ANO2: variants seen among roughly 807,000 people sequenced by gnomAD.
ANO2 encodes the protein anoctamin 2.
A neutral mutation model predicts 124.2 loss-of-function variants in ANO2; 101 were observed. The observed-to-expected ratio is 0.81, with a 90% CI of 0.69 to 0.96. The LOEUF (loss-of-function observed/expected upper bound fraction) is 0.96. ANO2 is among the 40% of genes least tolerant of loss of function. The pLI is 0.00. For missense variants in ANO2, 1,293 were observed against 1,274.5 expected (o/e 1.01, Z -0.22); for synonymous variants, 486 against 482.5 (o/e 1.01, Z -0.09).
Position 5,597,213 on chromosome 12 carries a change from A to G in ANO2, c.2233+2271T>C, listed in dbSNP as rs144651915. 5.3e-3 allele frequency among the ~76,000 whole-genome samples: 801 copies of G among 152,092 alleles called. 6 individuals are homozygous for G. The highest frequency in any genetic ancestry group is 0.019 in the African/African-American group (772 of 41,472). ...TCATCACCCAGGTATTAAGCCTAGTACCCATTAGTTCTTTTTCCTGATCCT... is the reference window on the plus strand; with the variant it reads ...TCATCACCCAGGTATTAAGCCTAGTGCCCATTAGTTCTTTTTCCTGATCCT... On this transcript the variant is annotated intron_variant, in intron 20 of 24. Transcript: ENST00000682330.
At chr12:5,824,297 C>A (rs147370055) in intron 7 of ANO2, among the ~76,000 whole-genome samples, 2,237 of 152,306 alleles carry the variant, frequency 0.015, 28 homozygotes, top group Middle Eastern at 0.061. Flanking sequence ...TTATGTTCTG[C>A]TTCCCTTATA....
intron 10 of ANO2, among the ~76,000 whole-genome samples, chr12:5,770,288 T>C (rs1451174114): frequency 1.3e-5 from 2 of 152,216 alleles, no homozygotes; most frequent in African/African-American, 4.8e-5. Flanking sequence ...AAGTGAATCA[T>C]ATTCTTCCAG....
At chr12:5,689,597 C>T (rs754738977) in intron 14 of ANO2, among the ~76,000 whole-genome samples, 9 of 152,132 alleles carry the variant, frequency 5.9e-5, no homozygotes, top group Non-Finnish European at 7.4e-5. Flanking sequence ...ACCGCTGTGA[C>T]GGGTTCTATC....
intron 20 of ANO2, among the ~76,000 whole-genome samples, chr12:5,587,121 TTTCA>T (rs1486834704): frequency 3.3e-5 from 5 of 152,182 alleles, no homozygotes; most frequent in African/African-American, 1.2e-4. Context: ...GGATCACTTC[TTTCA>T]TTCTTCCTTC....
At chr12:5,926,443 T>C (rs7138404) in intron 1 of ANO2, among the ~76,000 whole-genome samples, 150,779 of 152,224 alleles carry the variant, frequency 0.99, 74,689 homozygotes, top group Middle Eastern at 1. Flanking sequence ...GGGCTGGGAC[T>C]CTGCATTCTG....
At chr12:5,687,911 G>C in intron 14 of ANO2, among the ~76,000 whole-genome samples, 1 of 152,100 alleles carries the variant, frequency 6.6e-6, no homozygotes, top group East Asian at 1.9e-4. Flanking sequence ...GTCCCACACT[G>C]GTTCCCTCTC....
intron 4 of ANO2, among the ~76,000 whole-genome samples, chr12:5,842,792 C>T (rs982530528): frequency 6.6e-6 from 1 of 152,200 alleles, no homozygotes; most frequent in Non-Finnish European, 1.5e-5. Context: ...CTGGGGTCTT[C>T]CCAGGCTCAT....
chr12:5,689,064 G>A (rs1319251370), intron 14 of ANO2, among the ~76,000 whole-genome samples: 2 of 152,070 alleles, frequency 1.3e-5, no homozygotes, highest in African/African-American at 4.8e-5. Flanking sequence ...GGTAACTAGT[G>A]ATCACTAGAG....
intron 3 of ANO2, among the ~76,000 whole-genome samples, chr12:5,875,145 T>C (rs1233821997): frequency 6.6e-6 from 1 of 152,226 alleles, no homozygotes; most frequent in African/African-American, 2.4e-5. Context: ...CTGTGTCTTT[T>C]ACCTGTTGAA....
intron 10 of ANO2, among the ~76,000 whole-genome samples, chr12:5,767,721 C>T (rs529841760): frequency 3.3e-5 from 5 of 152,140 alleles, no homozygotes; most frequent in African/African-American, 4.8e-5. Context: ...GCTACTTGTC[C>T]GCATGGGCCC....
chr12:5,610,542 TTA>T (rs1210686157), intron 19 of ANO2, among the ~76,000 whole-genome samples: 11 of 141,312 alleles, frequency 7.8e-5, no homozygotes, highest in Admixed American at 3.7e-4. Flanking sequence ...AAAACATATT[TTA>T]TGTTTTATAA....
intron 3 of ANO2, among the ~76,000 whole-genome samples, chr12:5,863,917 G>A (rs536696758): frequency 2.6e-5 from 4 of 152,104 alleles, no homozygotes; most frequent in Non-Finnish European, 4.4e-5. Flanking sequence ...AGTGAATAAT[G>A]ATTTCATGGT....
intron 14 of ANO2, among the ~76,000 whole-genome samples, chr12:5,648,469 T>G (rs932565017): frequency 6.6e-6 from 1 of 152,166 alleles, no homozygotes. Context: ...CCTTTTCCCC[T>G]CGGACTGGGT....
At chr12:5,632,383 G>T (rs2192190) in intron 16 of ANO2, among the ~76,000 whole-genome samples, 82,087 of 151,496 alleles carry the variant, frequency 0.54, 25,294 homozygotes, top group Non-Finnish European at 0.68. Context: ...GTATAACACT[G>T]CCCTTGCTGG....
chr12:5,895,399 A>G (rs564984858), intron 3 of ANO2, among the ~76,000 whole-genome samples: 2 of 152,266 alleles, frequency 1.3e-5, no homozygotes, highest in Admixed American at 1.3e-4. Flanking sequence ...GGCTGAAACG[A>G]TGGGGTTTTC....
intron 1 of ANO2, among the ~76,000 whole-genome samples, chr12:5,924,710 G>A (rs555266774): frequency 1.3e-5 from 2 of 152,326 alleles, no homozygotes; most frequent in African/African-American, 2.4e-5. Context: ...TGTCCAAAGC[G>A]CAAGATGAAT....
rs769873530 is a variant in ANO2, at chr12:5,933,765, G to A, written c.23-10961C>T. On this transcript the variant is annotated intron_variant, in intron 1 of 24. Transcript: ENST00000682330. The stretch of plus-strand genomic sequence containing the variant: ...TAGTCAAACCTGTCCCCAGACTGAT[G>A]CTCACTCTGTGCCTCTGCCTAGGCT... 4.6e-5 allele frequency among the ~76,000 whole-genome samples: 7 copies of A among 152,098 alleles called. 1 individual carries two copies. Among genetic ancestry groups the A allele is most frequent in the Non-Finnish European group, 7.4e-5 (5 of 68,022 alleles).
intron 3 of ANO2, among the ~76,000 whole-genome samples, chr12:5,893,166 T>G (rs1352686280): frequency 6.6e-6 from 1 of 152,176 alleles, no homozygotes; most frequent in African/African-American, 2.4e-5. Context: ...AAAACTCTTC[T>G]GGACATTGGC....
chr12:5,760,707 G>A (rs565007994), intron 10 of ANO2, among the ~76,000 whole-genome samples: 5 of 152,044 alleles, frequency 3.3e-5, no homozygotes, highest in Admixed American at 2.0e-4. Context: ...AAGGTCTTCT[G>A]GATATCTGGA....
Sources: gnomAD v4.1 joint callset for allele counts (sites outside exome capture counted in the v4.1 genomes callset) on GRCh38, gnomAD v4.1.1 for gene constraint, MANE v1.5 for transcripts, NCBI Gene and HGNC (gene_info 2026-07-23, HGNC 2026-07-21) for gene names.